MRTFA: variants seen among roughly 807,000 people sequenced by gnomAD.
The protein encoded by MRTFA is myocardin related transcription factor A, also known as myocardin-related transcription factor A.
In MRTFA, 20 loss-of-function variants were observed where a neutral mutation model predicts 83.5. The ratio of observed to expected loss-of-function variants is 0.24; its 90% CI spans 0.17 to 0.35. The LOEUF is 0.35. MRTFA is among the 10% of genes least tolerant of loss of function. The pLI is 1.00. For missense variants in MRTFA, 1,200 were observed against 1,224.7 expected, an observed-to-expected ratio of 0.98 and a Z score of 0.30; for synonymous variants, 659 against 541.2, an observed-to-expected ratio of 1.22 and a Z score of -3.02.
rs1003250614 is a variant in MRTFA, at chr22:40,636,552, G to C, written c.-158C>G. 2 of 152,506 alleles carry C rather than the reference G, an allele frequency of 1.3e-5. No homozygotes were observed. Among genetic ancestry groups the C allele is most frequent in the African/African-American group, 4.8e-5 (2 of 41,588 alleles). The allele number at this position is 152,506 out of a possible 1,614,324, so 9.4% of individuals were successfully genotyped here. A position where few individuals can be genotyped will look rare whatever the true frequency, so the allele number is the denominator to read the frequency against. On this transcript the variant is annotated 5_prime_UTR_variant, in exon 1 of 15. Coordinates refer to ENST00000355630, the MANE Select transcript of MRTFA (RefSeq NM_020831.6). ...CTAGCCGCCCGCGTCTCCTCTCGAG[G>C]CTCACTGTCCAGCCCGGGCGCACGG...
intron 3 of MRTFA, among the ~76,000 whole-genome samples, chr22:40,549,601 G>C (rs140945960): frequency 4.2e-4 from 64 of 152,274 alleles, no homozygotes; most frequent in Middle Eastern, 3.4e-3. Flanking sequence ...GAAAGTTCTG[G>C]ACTACTAGTA....
At chr22:40,482,203 A>T (rs2054103694) in intron 3 of MRTFA, among the ~76,000 whole-genome samples, 1 of 152,200 alleles carries the variant, frequency 6.6e-6, no homozygotes, top group South Asian at 2.1e-4. Context: ...AAGAAGCTGC[A>T]CAAGTGGTAA....
chr22:40,463,098 A>C, intron 4 of MRTFA, 123 bp downstream of exon 4: 2 of 819,078 alleles, frequency 2.4e-6, no homozygotes, highest in Non-Finnish European at 4.1e-6. Flanking sequence ...CATGAGAAAG[A>C]AGAGAGTGGA....
At chr22:40,430,617 G>A (rs983596958) in intron 6 of MRTFA, among the ~76,000 whole-genome samples, 1 of 152,044 alleles carries the variant, frequency 6.6e-6, no homozygotes, top group African/African-American at 2.4e-5. Context: ...ACAGCACTTT[G>A]GGAGGCCGAG....
chr22:40,485,070 CA>C (rs60665723), intron 3 of MRTFA, among the ~76,000 whole-genome samples: 17,805 of 114,814 alleles, frequency 0.16, 1,122 homozygotes, highest in East Asian at 0.28. Flanking sequence ...GACTCCGTCT[CA>C]AAAAAAAAAA....
intron 3 of MRTFA, among the ~76,000 whole-genome samples, chr22:40,546,047 T>C (rs1202084950): frequency 1.3e-5 from 2 of 152,248 alleles, no homozygotes; most frequent in Non-Finnish European, 2.9e-5. Context: ...TTCTATATGA[T>C]ACATGCTTCT....
At position 40,411,916 on chromosome 22, in the gene MRTFA, C is replaced by CA; in HGVS notation, c.2579-10dup. On this transcript the variant is annotated splice_polypyrimidine_tract_variant and intron_variant, in intron 14 of 14. Coordinates refer to ENST00000355630, the MANE Select transcript of MRTFA (RefSeq NM_020831.6). ...GAAATCTGCTGAAATTTCTGCCAAT[C>CA]AATCAAGAGAGTAAATGGATATCAG... 1 of 1,480,922 alleles carries CA rather than the reference C, an allele frequency of 6.8e-7. No individual in the cohort carries two copies. The highest frequency in any genetic ancestry group is 1.5e-5 in the South Asian group (1 of 67,786). The allele number at this position is 1,480,922 out of a possible 1,614,324, so 91.7% of individuals were successfully genotyped here.
chr22:40,422,605 G>A (rs2052865054), intron 9 of MRTFA, among the ~76,000 whole-genome samples: 1 of 152,268 alleles, frequency 6.6e-6, no homozygotes, highest in African/African-American at 2.4e-5. Flanking sequence ...CATTCAGGAA[G>A]CCACAGTGAC....
intron 3 of MRTFA, among the ~76,000 whole-genome samples, chr22:40,489,196 T>C (rs980847619): frequency 6.6e-6 from 1 of 152,220 alleles, no homozygotes; most frequent in Admixed American, 6.5e-5. Flanking sequence ...GAATGATCTT[T>C]GTCCCTCGAA....
At chr22:40,455,975 C>T (rs889735082) in intron 4 of MRTFA, among the ~76,000 whole-genome samples, 3 of 152,048 alleles carry the variant, frequency 2.0e-5, no homozygotes, top group Non-Finnish European at 4.4e-5. Context: ...TGCACCACCA[C>T]GCCTGGTTAA....
At chr22:40,590,007 G>A (rs1382628623) in intron 2 of MRTFA, among the ~76,000 whole-genome samples, 1 of 149,314 alleles carries the variant, frequency 6.7e-6, no homozygotes, top group Non-Finnish European at 1.5e-5. Flanking sequence ...GGGAGACAGA[G>A]CGAGACTCCG....
chr22:40,634,874 T>C (rs2056677796), intron 1 of MRTFA, among the ~76,000 whole-genome samples: 1 of 152,202 alleles, frequency 6.6e-6, no homozygotes, highest in Admixed American at 6.5e-5. Flanking sequence ...TAAATACTTT[T>C]GGGTGATGGG....
At chr22:40,429,814 T>C (rs2053031528) in intron 6 of MRTFA, 47 bp from the exon 7 acceptor site, 1 of 1,550,834 alleles carries the variant, frequency 6.4e-7, no homozygotes, top group African/African-American at 1.4e-5. Flanking sequence ...TGAGTGGACG[T>C]GGTTCTGCCC....
rs941927210 is a variant in MRTFA, at chr22:40,435,493, C to A, written c.363+6G>T. The A allele has an allele frequency of 1.9e-6, 3 of 1,614,154 alleles. No homozygotes were observed. The highest frequency in any genetic ancestry group is 2.5e-6 in the Non-Finnish European group (3 of 1,180,006). ...GGAGTTCTGAGGGGGAAAAAAGGTA[C>A]CTTACCCTGGCCCGCTCCAAGCTCC... On this transcript the variant is annotated splice_donor_region_variant and intron_variant, in intron 5 of 14. Transcript: ENST00000355630.
At chr22:40,440,375 G>C (rs978465038) in intron 4 of MRTFA, among the ~76,000 whole-genome samples, 3 of 152,162 alleles carry the variant, frequency 2.0e-5, no homozygotes, top group African/African-American at 7.2e-5. Flanking sequence ...GTCTAGTTCT[G>C]CCTTTCCTTT....
chr22:40,530,921 T>C (rs2055068712), intron 3 of MRTFA, among the ~76,000 whole-genome samples: 1 of 152,222 alleles, frequency 6.6e-6, no homozygotes, highest in South Asian at 2.1e-4. Flanking sequence ...AGGGAAAGTA[T>C]GACAATCCAA....
intron 9 of MRTFA, among the ~76,000 whole-genome samples, chr22:40,422,637 G>A (rs1389923841): frequency 6.6e-6 from 1 of 152,252 alleles, no homozygotes; most frequent in African/African-American, 2.4e-5. Flanking sequence ...GAGGAAGCAA[G>A]AGGCAGCAGA....
chr22:40,441,284 G>A (rs888658877), intron 4 of MRTFA, among the ~76,000 whole-genome samples: 8 of 152,312 alleles, frequency 5.3e-5, no homozygotes, highest in African/African-American at 1.9e-4. Context: ...AAGTGGCCAA[G>A]AGGTGTGCCA....
chr22:40,625,789 AAAAT>A (rs1214886954), intron 1 of MRTFA, among the ~76,000 whole-genome samples: 1 of 152,162 alleles, frequency 6.6e-6, no homozygotes, highest in East Asian at 1.9e-4. Flanking sequence ...CTCATAAATG[AAAAT>A]AAATAAATAA....
Sources: allele counts gnomAD v4.1 joint callset (sites outside exome capture counted in the v4.1 genomes callset), GRCh38; gene constraint gnomAD v4.1.1; transcripts MANE v1.5; gene names NCBI Gene and HGNC (gene_info 2026-07-23, HGNC 2026-07-21).